The following STC2 variants were observed in gnomAD, a reference collection of about 807,000 sequenced individuals.
The protein encoded by STC2 is stanniocalcin-2.
STC2 carries 7 observed loss-of-function variants against 22.7 expected under a neutral mutation model. The ratio of observed to expected loss-of-function variants is 0.31; its 90% CI spans 0.18 to 0.58. STC2 has a LOEUF of 0.58. STC2 is among the 20% of genes least tolerant of loss of function. The probability of loss-of-function intolerance (pLI) is 0.89; values close to 1 mark genes in which losing one functional copy is unlikely to be tolerated. For synonymous variants in STC2, 158 were observed against 163.4 expected, an observed-to-expected ratio of 0.97 and a Z score of 0.25; for missense variants, 336 against 406.2, an observed-to-expected ratio of 0.83 and a Z score of 1.48.
Position 173,325,216 on chromosome 5 carries a change from T to C in STC2, c.294+652A>G, listed in dbSNP as rs796281257. 1.3e-5 allele frequency among the ~76,000 whole-genome samples: 2 copies of C among 152,254 alleles called. No homozygotes were observed. The highest frequency in any genetic ancestry group is 2.1e-4 in the South Asian group (1 of 4,832). ...GCCATCTAAAAATGTATTTGCGTTG[T>C]TGGCACTGGAGCCATATGTTGCTTG... is the stretch of plus-strand genomic sequence containing the variant. On this transcript the variant is annotated intron_variant, in intron 2 of 3. Transcript: ENST00000265087. This position sits in a 1 kb window ranked among gnomAD's most constrained non-coding sequence, Gnocchi z 4.7.
chr5:173,320,837 A>G (rs1462329779), intron 3 of STC2, among the ~76,000 whole-genome samples: 1 of 149,698 alleles, frequency 6.7e-6, no homozygotes, highest in African/African-American at 2.5e-5. Context: ...AATGCCACAC[A>G]TTTGGAAATG....
In STC2 at chr5:173,317,957, G is replaced by T. The variant is rs761021786; in HGVS notation, c.799C>A (p.His267Asn). ...CTGCCTCGGGCATGGGCGTTTGGGTGGCTCTTGCTACCTCGCTCACCCTTG... is the reference window on the plus strand; with the variant it reads ...CTGCCTCGGGCATGGGCGTTTGGGTTGCTCTTGCTACCTCGCTCACCCTTG... ...GAKGERGSKS[H>N]PNAHARGRVG... is the part of the protein sequence containing the mutation. The change falls in exon 4 of 4, where the codon CAC becomes AAC. Residue 267 changes from histidine (H) to asparagine (N), a missense_variant. His to Asn is a moderately conservative substitution (Grantham distance 68, BLOSUM62 1). Coordinates refer to ENST00000265087, the MANE Select transcript of STC2 (RefSeq NM_003714.3). 1.9e-6 allele frequency: 3 copies of T among 1,613,424 alleles called. No individual in the cohort carries two copies. The highest frequency in any genetic ancestry group is 2.5e-6 in the Non-Finnish European group (3 of 1,179,976).
At position 173,315,555 on chromosome 5, in the gene STC2, C is replaced by T. The variant is rs1296286872; in HGVS notation, c.*2292G>A. Reference sequence around the variant, plus strand: ...AACGAATGGGATCAGTAGGCGAACACATAAAACATTTACACGGAGGAAAAT... The same window carrying T: ...AACGAATGGGATCAGTAGGCGAACATATAAAACATTTACACGGAGGAAAAT... On this transcript the variant is annotated 3_prime_UTR_variant, in exon 4 of 4. Transcript: ENST00000265087. 3.3e-5 allele frequency: 5 copies of T among 152,188 alleles called. No homozygotes were observed. The highest frequency in any genetic ancestry group is 4.4e-5 in the Non-Finnish European group (3 of 68,042). The allele number at this position is 152,188 out of a possible 1,614,324, so 9.4% of individuals were successfully genotyped here.
chr5:173,317,773 T>TA lies in STC2; in HGVS notation c.*73dup. On this transcript the variant is annotated 3_prime_UTR_variant, in exon 4 of 4. Transcript: ENST00000265087. ...GTGTGACATCCCCCCTCTCTAATGG[T>TA]AAATGTTTTGGAATGTCCATAGATA... 1 of 1,484,000 alleles carries TA rather than the reference T, an allele frequency of 6.7e-7. No individual in the cohort carries two copies. The highest frequency in any genetic ancestry group is 1.4e-5 in the African/African-American group (1 of 71,370). The allele number at this position is 1,484,000 out of a possible 1,614,324, so 91.9% of individuals were successfully genotyped here.
In STC2 at chr5:173,328,143, G is replaced by A; in HGVS notation, c.51C>T (p.Ala17=). The change falls in exon 1 of 4, where the codon GCC becomes GCT. Residue 17 remains alanine (A), a synonymous_variant. Transcript: ENST00000265087. ...GQFMTLALVL[A]TFDPARGTDA... is the part of the protein sequence containing the mutation. The stretch of plus-strand genomic sequence containing the variant: ...CGGTCCCCCGCGCCGGGTCAAAGGT[G>A]GCCAACACCAAAGCCAGGGTCATGA... The A allele has an allele frequency of 6.3e-7, 1 of 1,598,758 alleles. No individual in the cohort carries two copies.
At chr5:173,322,646 A>G (rs1762501332) in intron 3 of STC2, among the ~76,000 whole-genome samples, 2 of 152,172 alleles carry the variant, frequency 1.3e-5, no homozygotes. Flanking sequence ...TTAAGAGTAT[A>G]GGTTCTGGAG....
rs569993864 is a variant in STC2, at chr5:173,317,717, G to A, written c.*130C>T. ...TGTCCGTTCCGCGAACACACACCTCGATGAAGTCCACAGTCCCCACAGAAT... is the reference window on the plus strand; with the variant it reads ...TGTCCGTTCCGCGAACACACACCTCAATGAAGTCCACAGTCCCCACAGAAT... On this transcript the variant is annotated 3_prime_UTR_variant, in exon 4 of 4. Transcript: ENST00000265087. The A allele has an allele frequency of 6.2e-5, 79 of 1,281,176 alleles. No homozygotes were observed. In the African/African-American group the frequency reaches 9.4e-4, roughly 15 times the overall value. 79.4% of individuals were successfully genotyped at this position (1,281,176 alleles called of 1,614,324 possible).
chr5:173,321,254 T>C (rs1360167698), intron 3 of STC2, among the ~76,000 whole-genome samples: 1 of 152,128 alleles, frequency 6.6e-6, no homozygotes, highest in African/African-American at 2.4e-5. Context: ...CTTCCAACCT[T>C]CAGTTTTCCC....
In STC2 at chr5:173,315,715, T is replaced by C. The variant is rs1762412665; in HGVS notation, c.*2132A>G. The C allele has an allele frequency of 6.6e-6, 1 of 152,230 alleles. No individual in the cohort carries two copies. Among genetic ancestry groups the C allele is most frequent in the Non-Finnish European group, 1.5e-5 (1 of 68,050 alleles). 9.4% of individuals were successfully genotyped at this position (152,230 alleles called of 1,614,324 possible). A position where few individuals can be genotyped will look rare whatever the true frequency, so the allele number is the denominator to read the frequency against. On this transcript the variant is annotated 3_prime_UTR_variant, in exon 4 of 4. Transcript: ENST00000265087. Reference sequence around the variant, plus strand: ...AAAACAGTCAACGTGCCTGCCGCGGTGGCTCACTGCAGGAGACAGCCACGG... The same window carrying C: ...AAAACAGTCAACGTGCCTGCCGCGGCGGCTCACTGCAGGAGACAGCCACGG...
rs752040237 is a variant in STC2, at chr5:173,317,892, G to T, written c.864C>A (p.Ser288Arg). 1 of 1,603,866 alleles carries T rather than the reference G, an allele frequency of 6.2e-7. No homozygotes were observed. Among genetic ancestry groups the T allele is most frequent in the Non-Finnish European group, 8.5e-7 (1 of 1,173,650 alleles). Reference protein sequence around the residue: ...GLGAQGPSGSSEWEDEQSEYS... With the variant: ...GLGAQGPSGSREWEDEQSEYS... ...ACTCAGACTGTTCGTCTTCCCACTC[G>T]CTGCTTCCGGAAGGTCCCTGAGCCC... is the stretch of plus-strand genomic sequence containing the variant. Residue 288 changes from serine to arginine, a missense_variant, in exon 4 of 4, where the codon AGC (serine) becomes AGA (arginine). Around this residue, in one of 3 missense-constraint regions of STC2, gnomAD observed 215 missense variants for 231.5 expected, o/e 0.93. Coordinates refer to ENST00000265087, the MANE Select transcript of STC2 (RefSeq NM_003714.3).
chr5:173,318,277 AGAGAG>A, intron 3 of STC2, 28 bp from the exon 4 acceptor site: 8 of 1,363,340 alleles, frequency 5.9e-6, no homozygotes, highest in Non-Finnish European at 7.6e-6. Context: ...AGAGAGAGAG[AGAGAG>A]AGAGAGAGAG....
At chr5:173,327,905 T>G (rs1762570486) in intron 1 of STC2, 138 bp downstream of exon 1, 2 of 1,171,510 alleles carry the variant, frequency 1.7e-6, no homozygotes, top group South Asian at 5.0e-5. Flanking sequence ...CGCTTCCCTT[T>G]GCACGTCCCG....
intron 3 of STC2, among the ~76,000 whole-genome samples, chr5:173,320,355 A>T (rs1762469169): frequency 6.6e-6 from 1 of 152,154 alleles, no homozygotes. Flanking sequence ...CTCTCTCTCC[A>T]GGAGGAAGCT....
At chr5:173,327,336 C>T (rs1004190087) in intron 1 of STC2, among the ~76,000 whole-genome samples, 4 of 152,270 alleles carry the variant, frequency 2.6e-5, no homozygotes, top group Admixed American at 2.6e-4. Flanking sequence ...CAGCCCCGTG[C>T]CCTGCACGCC....
intron 3 of STC2, among the ~76,000 whole-genome samples, chr5:173,318,766 G>A (rs1762455155): frequency 6.6e-6 from 1 of 152,188 alleles, no homozygotes; most frequent in African/African-American, 2.4e-5. Flanking sequence ...TCTATGAGAA[G>A]CCCCCAAGAA....
rs576293542 is a variant in STC2, at chr5:173,323,251, C to G, written c.474G>C (p.Glu158Asp). The change falls in exon 3 of 4, where the codon GAG becomes GAC. Residue 158 changes from glutamate to aspartate, a missense_variant. Around this residue, in one of 3 missense-constraint regions of STC2, gnomAD observed 215 missense variants for 231.5 expected, o/e 0.93. Transcript: ENST00000265087. The surrounding 1 kb of genome is among the most constrained non-coding windows in gnomAD (Gnocchi z 5.4). ...AAQENTRVIV[E>D]MIHFKDLLLH... ...GCAGCAAGTCCTTGAAATGGATCAT[C>G]TCCACTATCACCCGGGTGTTCTCCT... 4 of 1,614,204 alleles carry G rather than the reference C, an allele frequency of 2.5e-6. No individual in the cohort carries two copies. The South Asian group carries it at 3.3e-5, about 13-fold the overall frequency.
Position 173,322,188 on chromosome 5 carries a change from C to T in STC2, c.506+1031G>A, listed in dbSNP as rs578166116. On this transcript the variant is annotated intron_variant, in intron 3 of 3. Transcript: ENST00000265087. ...ATACCGATTTGGCTCAATGAGTCACCGTGGAGAGACCAACAGTGCCATCAA... is the reference window on the plus strand; with the variant it reads ...ATACCGATTTGGCTCAATGAGTCACTGTGGAGAGACCAACAGTGCCATCAA... Among the ~76,000 whole-genome samples the T allele has an allele frequency of 2.0e-3, 308 of 152,216 alleles. 3 individuals carry two copies. The Middle Eastern group carries it at 0.02, about 10-fold the overall frequency.
At position 173,317,934 on chromosome 5, in the gene STC2, G is replaced by A. The variant is rs376408948; in HGVS notation, c.822C>T (p.Gly274=). 6.2e-7 allele frequency: 1 copy of A among 1,613,376 alleles called. No individual in the cohort carries two copies. The highest frequency in any genetic ancestry group is 8.5e-7 in the Non-Finnish European group (1 of 1,179,824). Residue 274 remains glycine (G), a synonymous_variant, in exon 4 of 4, where the codon GGC becomes GGT. Transcript: ENST00000265087. ...SKSHPNAHAR[G]RVGGLGAQGP... is the part of the protein sequence containing the mutation. ...CCTGAGCCCCAAGGCCCCCGACTCT[G>A]CCTCGGGCATGGGCGTTTGGGTGGC...
rs191497817 is a variant in STC2 at position 173,317,880 on chromosome 5, G to A, written c.876C>T (p.Asp292=). 15 of 1,598,882 alleles carry A rather than the reference G, an allele frequency of 9.4e-6. No individual in the cohort carries two copies. The highest frequency in any genetic ancestry group is 4.5e-5 in the East Asian group (2 of 44,506). The change falls in exon 4 of 4, where the codon GAC becomes GAT. Residue 292 remains aspartate (D), a synonymous_variant. Transcript: ENST00000265087. The stretch of plus-strand genomic sequence containing the variant: ...GGATATCAGAATACTCAGACTGTTC[G>A]TCTTCCCACTCGCTGCTTCCGGAAG... ...QGPSGSSEWE[D]EQSEYSDIRR
Sources: gnomAD v4.1 joint callset for allele counts (sites outside exome capture counted in the v4.1 genomes callset) on GRCh38, gnomAD v4.1.1 for gene constraint, gnomAD v4.1.1 regional missense constraint, Gnocchi (gnomAD v3.1) non-coding constraint, MANE v1.5 for transcripts, NCBI Gene and HGNC (gene_info 2026-07-23, HGNC 2026-07-21) for gene names.